The following SIRPD variants were observed in gnomAD, a reference collection of about 807,000 sequenced individuals.
SIRPD encodes signal regulatory protein delta.
Under a neutral mutation model 18.0 loss-of-function variants are expected in SIRPD, and 21 were observed. The observed-to-expected ratio is 1.17, with a 90% CI of 0.83 to 1.68. The LOEUF (loss-of-function observed/expected upper bound fraction) is 1.68, where lower values mean the gene tolerates loss of function less well. SIRPD is among the 40% of genes most tolerant of loss of function. The pLI, the probability that SIRPD is intolerant of heterozygous loss-of-function variation, is 0.00. For missense variants in SIRPD, 295 were observed against 238.4 expected, an observed-to-expected ratio of 1.24 and a Z score of -1.56; for synonymous variants, 106 against 92.9, an observed-to-expected ratio of 1.14 and a Z score of -0.81.
chr20:1,550,440 C>T (rs114055307), intron 2 of SIRPD, among the ~76,000 whole-genome samples: 55 of 152,216 alleles, frequency 3.6e-4, no homozygotes, highest in African/African-American at 1.3e-3. Flanking sequence ...CATTTATTTT[C>T]GCTATCATAT....
At chr20:1,540,281 G>C in intron 2 of SIRPD, 1 of 456,030 alleles carries the variant, frequency 2.2e-6, no homozygotes, top group Non-Finnish European at 4.4e-6. Flanking sequence ...CTGATGCCTT[G>C]ATTTCAGTCC....
intron 1 of SIRPD, among the ~76,000 whole-genome samples, chr20:1,555,062 C>T (rs2091034353): frequency 6.6e-6 from 1 of 152,100 alleles, no homozygotes; most frequent in Non-Finnish European, 1.5e-5. Context: ...ATAGAAACAA[C>T]TGAAGTGCCC....
chr20:1,557,474 TG>T, intron 1 of SIRPD, 106 bp downstream of exon 1: 1 of 1,003,038 alleles, frequency 1.0e-6, no homozygotes, highest in Non-Finnish European at 1.4e-6. Context: ...TGGGATAAGA[TG>T]GAGAAAACCC....
At chr20:1,540,603 A>T (rs185548218) in intron 2 of SIRPD, among the ~76,000 whole-genome samples, 1 of 152,144 alleles carries the variant, frequency 6.6e-6, no homozygotes, top group Non-Finnish European at 1.5e-5. Flanking sequence ...AGATTTGCCT[A>T]TTCTGAGTAT....
Position 1,537,176 on chromosome 20 carries a change from G to GGCA in SIRPD, c.553_555dup (p.Cys185dup), listed in dbSNP as rs769492911. 1.9e-5 allele frequency: 30 copies of GGCA among 1,613,982 alleles called. No individual in the cohort carries two copies. Among genetic ancestry groups the GGCA allele is most frequent in the Non-Finnish European group, 2.5e-5 (30 of 1,179,994 alleles). On this transcript the variant is annotated inframe_insertion, in exon 3 of 4. Coordinates refer to ENST00000381623, the MANE Select transcript of SIRPD (RefSeq NM_178460.3). Reference sequence around the variant, plus strand: ...TCACCTGTGAGTCCCAGCAGCCGGAGGCAGCAGCAGGGTTGGACGAAATAG... The same window carrying GGCA: ...TCACCTGTGAGTCCCAGCAGCCGGAGGCAGCAGCAGCAGGGTTGGACGAAATAG...
chr20:1,553,847 C>G (rs545135790), intron 1 of SIRPD: 1 of 152,596 alleles, frequency 6.6e-6, no homozygotes, highest in Non-Finnish European at 1.5e-5. Context: ...GATAAAGGAG[C>G]ATGGTGTTCA....
At chr20:1,547,130 TA>T (rs1296891805) in intron 2 of SIRPD, among the ~76,000 whole-genome samples, 1 of 152,238 alleles carries the variant, frequency 6.6e-6, no homozygotes. Context: ...TGTTTTATTA[TA>T]AAAGCTTTAT....
intron 2 of SIRPD, among the ~76,000 whole-genome samples, chr20:1,548,591 C>T (rs146992476): frequency 2.4e-3 from 362 of 151,996 alleles, no homozygotes; most frequent in African/African-American, 8.2e-3. Flanking sequence ...ATGTCTTTGT[C>T]TGGTGTCGAT....
In SIRPD at chr20:1,551,829, G is replaced by A. The variant is rs368879981; in HGVS notation, c.283C>T (p.Pro95Ser). The A allele has an allele frequency of 5.6e-6, 9 of 1,614,104 alleles. No homozygotes were observed. In the East Asian group the frequency reaches 1.8e-4, roughly 32 times the overall value. The change falls in exon 2 of 4, where the codon CCT (proline) becomes TCT (serine). Residue 95 changes from proline (P) to serine (S), a missense_variant. Transcript: ENST00000381623. ...CGGGTGGAAAAGTCTGTGTTGCCAG[G>A]CTTGGTGGTGTCTCCAATCTCTTTT... ...RVKEIGDTTK[P>S]GNTDFSTRIR...
In SIRPD at chr20:1,551,952, G is replaced by T; in HGVS notation, c.160C>A (p.Pro54Thr). Residue 54 changes from proline (P) to threonine (T), a missense_variant, in exon 2 of 4, where the codon CCC (proline) becomes ACC (threonine). Physicochemically the swap from Pro to Thr is conservative, Grantham distance 38. Coordinates refer to ENST00000381623, the MANE Select transcript of SIRPD (RefSeq NM_178460.3). ...GESIILSCSV[P>T]NTLPNGPVLW... ...ACAGGTCCATTTGGTAAGGTATTGG[G>T]TACGCTGCAACTCAAGATGATTGAC... 6.2e-7 allele frequency: 1 copy of T among 1,614,050 alleles called. No individual in the cohort carries two copies. Among genetic ancestry groups the T allele is most frequent in the South Asian group, 1.1e-5 (1 of 91,078 alleles).
chr20:1,536,681 C>CCTAT (rs570734145), intron 3 of SIRPD, among the ~76,000 whole-genome samples: 1 of 152,154 alleles, frequency 6.6e-6, no homozygotes, highest in Non-Finnish European at 1.5e-5. Flanking sequence ...TATCTATCTA[C>CCTAT]CTATCTATCT....
chr20:1,537,033 C>G lies in SIRPD; in HGVS notation c.577+122G>C, dbSNP rs531377214. 28 of 1,150,092 alleles carry G rather than the reference C, an allele frequency of 2.4e-5. No individual in the cohort carries two copies. The African/African-American group carries it at 4.2e-4, about 17-fold the overall frequency. The allele number at this position is 1,150,092 out of a possible 1,614,324, so 71.2% of individuals were successfully genotyped here. A position where few individuals can be genotyped will look rare whatever the true frequency, so the allele number is the denominator to read the frequency against. ...AAGTGTCTTAAAGAGGAAGGGGTGGCAAAGAAAGAGGCCCTAGGACAACAG... is the reference window on the plus strand; with the variant it reads ...AAGTGTCTTAAAGAGGAAGGGGTGGGAAAGAAAGAGGCCCTAGGACAACAG... On this transcript the variant is annotated intron_variant, in intron 3 of 3. Coordinates refer to ENST00000381623, the MANE Select transcript of SIRPD (RefSeq NM_178460.3).
chr20:1,543,489 T>C (rs2090980873), intron 2 of SIRPD, among the ~76,000 whole-genome samples: 1 of 152,208 alleles, frequency 6.6e-6, no homozygotes, highest in Admixed American at 6.5e-5. Context: ...TTCTTCATTT[T>C]TTATTGTGTC....
At chr20:1,542,567 A>C (rs780475365) in intron 2 of SIRPD, among the ~76,000 whole-genome samples, 25 of 152,200 alleles carry the variant, frequency 1.6e-4, no homozygotes, top group Admixed American at 5.2e-4. Context: ...CTAAATATAC[A>C]ATCATGTCAT....
At chr20:1,550,946 C>T (rs2091016259) in intron 2 of SIRPD, among the ~76,000 whole-genome samples, 1 of 152,128 alleles carries the variant, frequency 6.6e-6, no homozygotes, top group Admixed American at 6.5e-5. Flanking sequence ...CACAGGGCAC[C>T]ACAAGTAGCA....
At chr20:1,557,209 C>T (rs2091045311) in intron 1 of SIRPD, among the ~76,000 whole-genome samples, 1 of 152,020 alleles carries the variant, frequency 6.6e-6, no homozygotes, top group South Asian at 2.1e-4. Context: ...GCCAAGATCG[C>T]ACCACTGCAC....
chr20:1,537,384 G>C (rs775543650), intron 2 of SIRPD, 74 bp from the exon 3 acceptor site: 229 of 1,455,126 alleles, frequency 1.6e-4, no homozygotes, highest in Non-Finnish European at 2.1e-4. Context: ...AGGGCTGTAG[G>C]ATTATGACCG....
intron 2 of SIRPD, among the ~76,000 whole-genome samples, chr20:1,548,522 T>C (rs2091004303): frequency 6.6e-6 from 1 of 152,170 alleles, no homozygotes; most frequent in Non-Finnish European, 1.5e-5. Flanking sequence ...TAGTATTTTC[T>C]TAAGGGATTT....
At chr20:1,540,058 A>G in intron 2 of SIRPD, 1 of 280,872 alleles carries the variant, frequency 3.6e-6, no homozygotes, top group Non-Finnish European at 7.1e-6. Flanking sequence ...GTAATTTGTT[A>G]TGCAGCATAG....
Sources: gnomAD v4.1 joint callset for allele counts (sites outside exome capture counted in the v4.1 genomes callset) on GRCh38, gnomAD v4.1.1 for gene constraint, MANE v1.5 for transcripts, NCBI Gene and HGNC (gene_info 2026-07-23, HGNC 2026-07-21) for gene names.